The following TNR variants were observed in gnomAD, a reference collection of about 807,000 sequenced individuals.
TNR encodes tenascin R.
TNR carries 45 observed loss-of-function variants against 150.4 expected under a neutral mutation model. That is an observed-to-expected ratio of 0.30 (90% CI 0.24 to 0.38). The LOEUF (loss-of-function observed/expected upper bound fraction) is 0.38. TNR is among the 10% of genes least tolerant of loss of function. The probability of loss-of-function intolerance (pLI) is 1.00; values close to 1 mark genes in which losing one functional copy is unlikely to be tolerated. For missense variants in TNR, 1,544 were observed against 1,759.1 expected, an observed-to-expected ratio of 0.88 and a Z score of 2.19; for synonymous variants, 687 against 678.4, an observed-to-expected ratio of 1.01 and a Z score of -0.20.
At chr1:175,545,605 T>C (rs1660656208) in intron 1 of TNR, among the ~76,000 whole-genome samples, 2 of 152,276 alleles carry the variant, frequency 1.3e-5, no homozygotes, top group South Asian at 4.1e-4. Flanking sequence ...AGCAAACACA[T>C]AGTGCTCACT....
At chr1:175,471,583 A>T (rs1315404651) in intron 2 of TNR, among the ~76,000 whole-genome samples, 2 of 152,202 alleles carry the variant, frequency 1.3e-5, no homozygotes, top group African/African-American at 2.4e-5. Context: ...TAAAGGATTT[A>T]AAAAATGGTA....
At chr1:175,715,800 C>T (rs992504865) in intron 1 of TNR, among the ~76,000 whole-genome samples, 13 of 152,158 alleles carry the variant, frequency 8.5e-5, no homozygotes, top group Admixed American at 5.9e-4. Flanking sequence ...GTGTCTGGGG[C>T]TTATTCCTCC....
At chr1:175,461,138 G>A (rs1190821134) in intron 2 of TNR, among the ~76,000 whole-genome samples, 2 of 152,152 alleles carry the variant, frequency 1.3e-5, no homozygotes, top group East Asian at 1.9e-4. Flanking sequence ...CCAGATGGAT[G>A]GGTGAAACAA....
chr1:175,677,657 G>A (rs1285125069), intron 1 of TNR, among the ~76,000 whole-genome samples: 1 of 152,154 alleles, frequency 6.6e-6, no homozygotes, highest in Non-Finnish European at 1.5e-5. Flanking sequence ...TGGAGAGAAG[G>A]TACAAGGAGA....
chr1:175,424,581 G>A (rs1557562), intron 2 of TNR, among the ~76,000 whole-genome samples: 21,702 of 152,140 alleles, frequency 0.14, 1,701 homozygotes, highest in African/African-American at 0.19. Context: ...GGAGGGAAAG[G>A]TCTGCTCTCC....
At chr1:175,692,127 C>T (rs1397207773) in intron 1 of TNR, among the ~76,000 whole-genome samples, 1 of 152,132 alleles carries the variant, frequency 6.6e-6, no homozygotes, top group Non-Finnish European at 1.5e-5. Flanking sequence ...AAAATGTATC[C>T]GTGGGTGTCA....
At chr1:175,631,546 C>T (rs1011494079) in intron 1 of TNR, among the ~76,000 whole-genome samples, 1 of 152,154 alleles carries the variant, frequency 6.6e-6, no homozygotes, top group Admixed American at 6.6e-5. Context: ...TGGCCCAAGA[C>T]AATTCTTCTT....
chr1:175,681,543 GT>G (rs1445031588), intron 1 of TNR, among the ~76,000 whole-genome samples: 1 of 152,214 alleles, frequency 6.6e-6, no homozygotes, highest in African/African-American at 2.4e-5. Flanking sequence ...GGAAGAGAAA[GT>G]TAGATTAAAT....
At chr1:175,439,933 T>C (rs576428166) in intron 2 of TNR, among the ~76,000 whole-genome samples, 1 of 152,316 alleles carries the variant, frequency 6.6e-6, no homozygotes, top group Non-Finnish European at 1.5e-5. Context: ...GGTGGGACTG[T>C]AAACTAGTTC....
intron 15 of TNR, among the ~76,000 whole-genome samples, 162 bp downstream of exon 15, chr1:175,359,449 AG>A (rs1285165500): frequency 2.0e-5 from 3 of 152,012 alleles, no homozygotes; most frequent in Non-Finnish European, 4.4e-5. Flanking sequence ...CCCAGCATAG[AG>A]TTTGGGGATA....
chr1:175,347,982 G>C (rs571581554), intron 18 of TNR, among the ~76,000 whole-genome samples: 2 of 152,172 alleles, frequency 1.3e-5, no homozygotes, highest in Admixed American at 1.3e-4. Context: ...ATTATTTGTA[G>C]ATGACATAAA....
At chr1:175,507,907 T>C (rs1659023397) in intron 2 of TNR, among the ~76,000 whole-genome samples, 1 of 152,258 alleles carries the variant, frequency 6.6e-6, no homozygotes, top group Non-Finnish European at 1.5e-5. Flanking sequence ...GGAATTTACT[T>C]ATCTATTTAT....
intron 1 of TNR, among the ~76,000 whole-genome samples, chr1:175,739,798 C>CTA (rs1418833247): frequency 6.6e-6 from 1 of 152,196 alleles, no homozygotes; most frequent in African/African-American, 2.4e-5. Context: ...ACAATGAACT[C>CTA]TCCTCTTTCT....
chr1:175,661,801 C>G, intron 1 of TNR, among the ~76,000 whole-genome samples: 1 of 131,962 alleles, frequency 7.6e-6, no homozygotes, highest in Non-Finnish European at 1.6e-5. Flanking sequence ...CCCCCCTCCC[C>G]CCACCCTTTT....
Position 175,320,234 on chromosome 1 carries a change from C to T in TNR, c.*3123G>A, listed in dbSNP as rs373080493. On this transcript the variant is annotated 3_prime_UTR_variant, in exon 23 of 23. Coordinates refer to ENST00000367674, the MANE Select transcript of TNR (RefSeq NM_003285.3). ...TCTACCTTTGGGAAATGCAGTTGTG[C>T]TTGGAGGAGCAGGATAAGCAGGAAT... 6.6e-6 allele frequency: 1 copy of T among 152,216 alleles called. No homozygotes were observed. Among genetic ancestry groups the T allele is most frequent in the Non-Finnish European group, 1.5e-5 (1 of 68,052 alleles). The allele number at this position is 152,216 out of a possible 1,614,324, so 9.4% of individuals were successfully genotyped here. A position where few individuals can be genotyped will look rare whatever the true frequency, so the allele number is the denominator to read the frequency against.
At chr1:175,362,933 T>C (rs1332675942) in intron 13 of TNR, 124 bp from the exon 14 acceptor site, 3 of 1,197,086 alleles carry the variant, frequency 2.5e-6, no homozygotes, top group Non-Finnish European at 3.6e-6. Flanking sequence ...GGAGGGATGA[T>C]ACATGGTTCA....
chr1:175,602,380 T>TA (rs932650094), intron 1 of TNR, among the ~76,000 whole-genome samples: 15 of 152,086 alleles, frequency 9.9e-5, no homozygotes, highest in Non-Finnish European at 2.1e-4. Flanking sequence ...TGAGTTGAGC[T>TA]AAAAAAATGT....
intron 1 of TNR, among the ~76,000 whole-genome samples, chr1:175,676,470 C>T (rs12077744): frequency 0.018 from 2,748 of 152,150 alleles, 79 homozygotes; most frequent in African/African-American, 0.063. Flanking sequence ...GACCAGCAAG[C>T]GGAGCAGGCC....
chr1:175,738,461 T>C (rs1158829126), intron 1 of TNR, among the ~76,000 whole-genome samples: 4 of 152,126 alleles, frequency 2.6e-5, no homozygotes, highest in Non-Finnish European at 5.9e-5. Context: ...ATGTAGTACC[T>C]AGGATAGTCA....
Sources: gnomAD v4.1 joint callset for allele counts (sites outside exome capture counted in the v4.1 genomes callset) on GRCh38, gnomAD v4.1.1 for gene constraint, MANE v1.5 for transcripts, NCBI Gene and HGNC (gene_info 2026-07-23, HGNC 2026-07-21) for gene names.